The following SEMA3A variants were observed in gnomAD, a reference collection of about 807,000 sequenced individuals.
SEMA3A encodes the protein semaphorin 3A.
A neutral mutation model predicts 97.9 loss-of-function variants in SEMA3A; 29 were observed. That is an observed-to-expected ratio of 0.30 (90% CI 0.22 to 0.40). The LOEUF is 0.40. Among genes scored for constraint, SEMA3A ranks in the 10% least tolerant of loss-of-function variants. SEMA3A has a pLI of 1.00. For synonymous variants in SEMA3A, 321 were observed against 323.7 expected, an observed-to-expected ratio of 0.99 and a Z score of 0.09; for missense variants, 763 against 951.3, an observed-to-expected ratio of 0.80 and a Z score of 2.60.
At chr7:84,046,027 G>C (rs919246508) in intron 6 of SEMA3A, among the ~76,000 whole-genome samples, 2 of 151,414 alleles carry the variant, frequency 1.3e-5, no homozygotes, top group African/African-American at 4.8e-5. Context: ...GACAGAATTG[G>C]TAAGTCATCT....
intron 12 of SEMA3A, among the ~76,000 whole-genome samples, chr7:83,998,556 A>T (rs764545527): frequency 2.6e-5 from 4 of 152,158 alleles, no homozygotes; most frequent in African/African-American, 4.8e-5. Flanking sequence ...TAGTCGCCAT[A>T]CACTTAGGCT....
intron 1 of SEMA3A, among the ~76,000 whole-genome samples, chr7:84,173,583 AT>A (rs1166726190): frequency 2.0e-5 from 3 of 148,874 alleles, no homozygotes; most frequent in South Asian, 2.2e-4. Context: ...AAAAAAAAAA[AT>A]TTACAAAAAT....
chr7:84,267,380 G>GAAATGTTAA (rs1242189389), intron 3 of SEMA3A, among the ~76,000 whole-genome samples: 4 of 151,152 alleles, frequency 2.6e-5, no homozygotes, highest in Non-Finnish European at 2.9e-5. Context: ...CTCAATGGAG[G>GAAATGTTAA]AACTGTTAAA....
intron 10 of SEMA3A, among the ~76,000 whole-genome samples, chr7:84,006,662 T>C (rs922627465): frequency 8.5e-5 from 13 of 152,208 alleles, no homozygotes; most frequent in Admixed American, 5.2e-4. Flanking sequence ...CTTTTAGTCT[T>C]ACACTTAAAT....
chr7:84,379,488 A>G (rs553766458), intron 1 of SEMA3A, among the ~76,000 whole-genome samples: 2 of 152,324 alleles, frequency 1.3e-5, no homozygotes, highest in South Asian at 2.1e-4. Flanking sequence ...GTAAAATTCC[A>G]AAGAATTGAG....
At chr7:84,419,742 G>C (rs191999515) in intron 1 of SEMA3A, among the ~76,000 whole-genome samples, 1 of 152,098 alleles carries the variant, frequency 6.6e-6, no homozygotes, top group Non-Finnish European at 1.5e-5. Context: ...ATCTCTATCT[G>C]AGAAGTGCAA....
chr7:84,054,012 CT>C (rs1792816558), intron 5 of SEMA3A, among the ~76,000 whole-genome samples: 1 of 151,558 alleles, frequency 6.6e-6, no homozygotes, highest in East Asian at 1.9e-4. Flanking sequence ...GTTGAAAATT[CT>C]TTTCTTTAAG....
chr7:84,133,931 A>G (rs570668127), intron 2 of SEMA3A, among the ~76,000 whole-genome samples: 99 of 149,622 alleles, frequency 6.6e-4, no homozygotes, highest in Non-Finnish European at 1.2e-3. Context: ...GCGTGGTGGC[A>G]GGCACCTGTA....
At chr7:84,350,788 AT>A (rs1802419336) in intron 2 of SEMA3A, among the ~76,000 whole-genome samples, 1 of 152,018 alleles carries the variant, frequency 6.6e-6, no homozygotes, top group Non-Finnish European at 1.5e-5. Context: ...TTGCTATTTT[AT>A]TTTCATAACT....
At chr7:83,999,768 A>G (rs1390453090) in intron 12 of SEMA3A, among the ~76,000 whole-genome samples, 1 of 152,166 alleles carries the variant, frequency 6.6e-6, no homozygotes, top group Admixed American at 6.6e-5. Flanking sequence ...TCTGGAAATT[A>G]GAAATTCTTA....
chr7:84,221,650 G>A (rs1006046610), intron 3 of SEMA3A, among the ~76,000 whole-genome samples: 6 of 152,132 alleles, frequency 3.9e-5, no homozygotes, highest in Admixed American at 2.0e-4. Context: ...CCCTAGGAGA[G>A]GGTGAGAGAT....
intron 3 of SEMA3A, among the ~76,000 whole-genome samples, chr7:84,212,822 A>T (rs1377152302): frequency 6.6e-6 from 1 of 152,070 alleles, no homozygotes; most frequent in Non-Finnish European, 1.5e-5. Context: ...TAATAGCTTA[A>T]TTGTTTATAC....
intron 3 of SEMA3A, among the ~76,000 whole-genome samples, chr7:84,238,496 G>T (rs1342225626): frequency 3.3e-5 from 5 of 152,142 alleles, no homozygotes; most frequent in Non-Finnish European, 5.9e-5. Flanking sequence ...GTGGTTTAAA[G>T]AATGGAGTGA....
At chr7:84,281,710 T>C (rs972802288) in intron 3 of SEMA3A, among the ~76,000 whole-genome samples, 3 of 152,188 alleles carry the variant, frequency 2.0e-5, no homozygotes, top group Admixed American at 6.6e-5. Context: ...TCAAATTCCA[T>C]CTCTGTTGCT....
intron 2 of SEMA3A, among the ~76,000 whole-genome samples, chr7:84,326,670 A>T (rs115040225): frequency 6.6e-6 from 1 of 151,978 alleles, no homozygotes; most frequent in East Asian, 1.9e-4. Context: ...GCACAATATC[A>T]TAGACCTGTT....
chr7:84,404,465 A>G (rs755769466), intron 1 of SEMA3A, among the ~76,000 whole-genome samples: 3 of 152,212 alleles, frequency 2.0e-5, no homozygotes, highest in Non-Finnish European at 2.9e-5. Context: ...GTTGGAAAAC[A>G]CTCTGCAGGA....
At chr7:84,241,939 G>A (rs1266993712) in intron 3 of SEMA3A, among the ~76,000 whole-genome samples, 2 of 152,240 alleles carry the variant, frequency 1.3e-5, no homozygotes, top group East Asian at 3.9e-4. Flanking sequence ...GACAGTTGTA[G>A]ATCTGTGGCA....
At chr7:84,278,357 C>A (rs1030191025) in intron 3 of SEMA3A, among the ~76,000 whole-genome samples, 1 of 152,100 alleles carries the variant, frequency 6.6e-6, no homozygotes, top group Non-Finnish European at 1.5e-5. Context: ...CAAACTTTCC[C>A]TTCTCTTCCC....
At chr7:84,387,966 C>T (rs758511115) in intron 1 of SEMA3A, among the ~76,000 whole-genome samples, 10 of 152,028 alleles carry the variant, frequency 6.6e-5, no homozygotes, top group Non-Finnish European at 1.5e-4. Context: ...ACCACCTCTG[C>T]ACAATGGAAA....
Sources: gnomAD v4.1 joint callset for allele counts (sites outside exome capture counted in the v4.1 genomes callset) on GRCh38, gnomAD v4.1.1 for gene constraint, MANE v1.5 for transcripts, NCBI Gene and HGNC (gene_info 2026-07-23, HGNC 2026-07-21) for gene names.